The following EXT1 variants were observed in gnomAD, a reference collection of about 807,000 sequenced individuals.
The protein encoded by EXT1 is exostosin glycosyltransferase 1, also known as exostosin-1.
EXT1 carries 20 observed loss-of-function variants against 82.5 expected under a neutral mutation model. The ratio of observed to expected loss-of-function variants is 0.24; its 90% CI spans 0.17 to 0.35. The LOEUF (loss-of-function observed/expected upper bound fraction) is 0.35. Among genes scored for constraint, EXT1 ranks in the 10% least tolerant of loss-of-function variants. The pLI is 1.00. For synonymous variants in EXT1, 348 were observed against 350.8 expected (o/e 0.99, Z 0.09); for missense variants, 757 against 936.5 (o/e 0.81, Z 2.50).
intron 1 of EXT1, among the ~76,000 whole-genome samples, chr8:117,870,606 A>G (rs1460752298): frequency 6.6e-6 from 1 of 151,222 alleles, no homozygotes; most frequent in Admixed American, 6.6e-5. Context: ...CTCATTCATA[A>G]TCAGTCCTTA....
At chr8:117,936,300 T>C (rs1183762923) in intron 1 of EXT1, among the ~76,000 whole-genome samples, 2 of 152,214 alleles carry the variant, frequency 1.3e-5, no homozygotes, top group African/African-American at 2.4e-5. Flanking sequence ...TGTCACAGAC[T>C]CCACTAGTCC....
chr8:118,111,703 C>CGGCGGCGGCGGCGCTGGGT lies in EXT1; in HGVS notation c.-676_-658dup, dbSNP rs937343061. 2.5e-5 allele frequency: 4 copies of CGGCGGCGGCGGCGCTGGGT among 158,140 alleles called. No homozygotes were observed. The highest frequency in any genetic ancestry group is 4.8e-5 in the African/African-American group (2 of 41,310). 9.8% of individuals were successfully genotyped at this position (158,140 alleles called of 1,614,324 possible). On this transcript the variant is annotated 5_prime_UTR_variant, in exon 1 of 11. Transcript: ENST00000378204. The stretch of plus-strand genomic sequence containing the variant: ...CGCGCGGCGGCCCGGCTGGAGGCGG[C>CGGCGGCGGCGGCGCTGGGT]GGCGGCGGCGGCGCTGGGTGGCGGC...
At chr8:117,872,603 T>C (rs906060714) in intron 1 of EXT1, among the ~76,000 whole-genome samples, 4 of 152,240 alleles carry the variant, frequency 2.6e-5, no homozygotes, top group Admixed American at 2.0e-4. Flanking sequence ...ATAATATGTT[T>C]GGATAGCTGC....
chr8:117,850,209 T>C (rs1259554699), intron 1 of EXT1, among the ~76,000 whole-genome samples: 2 of 152,238 alleles, frequency 1.3e-5, no homozygotes, highest in Non-Finnish European at 2.9e-5. Context: ...AAATAAACTG[T>C]CAAGTAAAAC....
chr8:118,026,697 C>A lies in EXT1; in HGVS notation c.962+83388G>T, dbSNP rs529270066. ...CAAGCCACTTGATGGTTTTTTGGTT[C>A]TTTTATCTTTGGGGGGAGGGAACAG... On this transcript the variant is annotated intron_variant, in intron 1 of 10. Coordinates refer to ENST00000378204, the MANE Select transcript of EXT1 (RefSeq NM_000127.3). 5.9e-5 allele frequency among the ~76,000 whole-genome samples: 9 copies of A among 152,044 alleles called. No homozygotes were observed. The South Asian group carries it at 1.9e-3, about 32-fold the overall frequency.
intron 1 of EXT1, among the ~76,000 whole-genome samples, chr8:117,937,948 C>T (rs1001356654): frequency 6.6e-6 from 1 of 152,174 alleles, no homozygotes; most frequent in African/African-American, 2.4e-5. Flanking sequence ...GAATATTCTC[C>T]AAAACAAAAC....
At chr8:118,068,423 T>C (rs2447534) in intron 1 of EXT1, among the ~76,000 whole-genome samples, 50,545 of 151,984 alleles carry the variant, frequency 0.33, 10,257 homozygotes, top group African/African-American at 0.55. Flanking sequence ...TATCAACCCA[T>C]CACCTAGGTA....
At chr8:118,076,073 G>C (rs547014029) in intron 1 of EXT1, among the ~76,000 whole-genome samples, 1 of 152,264 alleles carries the variant, frequency 6.6e-6, no homozygotes, top group Admixed American at 6.5e-5. Flanking sequence ...TAATTCAGGG[G>C]AGAGGGAAGT....
intron 4 of EXT1, among the ~76,000 whole-genome samples, chr8:117,827,921 T>C (rs2129764690): frequency 6.6e-6 from 1 of 151,548 alleles, no homozygotes; most frequent in Admixed American, 6.6e-5. Flanking sequence ...GATGATTTAC[T>C]GCAATGATGT....
chr8:118,020,407 T>C (rs1816079867), intron 1 of EXT1, among the ~76,000 whole-genome samples: 1 of 152,228 alleles, frequency 6.6e-6, no homozygotes, highest in African/African-American at 2.4e-5. Context: ...GATCTTGTCC[T>C]ATTATGTAAA....
intron 1 of EXT1, among the ~76,000 whole-genome samples, chr8:118,058,608 T>A (rs1816832312): frequency 6.6e-6 from 1 of 152,048 alleles, no homozygotes; most frequent in South Asian, 2.1e-4. Context: ...AGAACTAGAA[T>A]TTTTTTTCAA....
chr8:117,986,072 C>T (rs1449550655), intron 1 of EXT1, among the ~76,000 whole-genome samples: 1 of 152,018 alleles, frequency 6.6e-6, no homozygotes, highest in East Asian at 1.9e-4. Flanking sequence ...TAGGCAATTC[C>T]TTTAATAGAG....
rs529807628 is a variant in EXT1 at position 117,877,012 on chromosome 8, C to G, written c.963-39811G>C. On this transcript the variant is annotated intron_variant, in intron 1 of 10. Coordinates refer to ENST00000378204, the MANE Select transcript of EXT1 (RefSeq NM_000127.3). ...AGGAACCCGTTTTTCTAACAGAGAA[C>G]CCCTGGATGTGCCTCAAAGCTAACT... is the stretch of plus-strand genomic sequence containing the variant. 2.6e-5 allele frequency among the ~76,000 whole-genome samples: 4 copies of G among 152,214 alleles called. No homozygotes were observed. The South Asian group carries it at 8.3e-4, about 32-fold the overall frequency.
At chr8:118,028,156 T>C (rs1013618465) in intron 1 of EXT1, among the ~76,000 whole-genome samples, 2 of 152,156 alleles carry the variant, frequency 1.3e-5, no homozygotes, top group Non-Finnish European at 2.9e-5. Flanking sequence ...AATGAAAACC[T>C]ACAACACGGG....
chr8:117,882,410 G>A (rs1015154407), intron 1 of EXT1, among the ~76,000 whole-genome samples: 2 of 152,168 alleles, frequency 1.3e-5, no homozygotes, highest in African/African-American at 4.8e-5. Context: ...ATGGCAAGTG[G>A]CAGGATGGTT....
chr8:117,852,850 G>C (rs1238187931), intron 1 of EXT1, among the ~76,000 whole-genome samples: 1 of 152,108 alleles, frequency 6.6e-6, no homozygotes, highest in Non-Finnish European at 1.5e-5. Flanking sequence ...TTACCATTCA[G>C]AATTATGGAA....
chr8:117,878,079 C>T (rs764968722), intron 1 of EXT1, among the ~76,000 whole-genome samples: 1 of 152,118 alleles, frequency 6.6e-6, no homozygotes, highest in African/African-American at 2.4e-5. Flanking sequence ...TCCAGACCAG[C>T]CTGGCCAACA....
At chr8:118,059,526 T>C (rs1247690346) in intron 1 of EXT1, among the ~76,000 whole-genome samples, 1 of 152,160 alleles carries the variant, frequency 6.6e-6, no homozygotes, top group African/African-American at 2.4e-5. Context: ...CAGCAAGGGC[T>C]CCACCCAGCA....
chr8:118,008,546 C>G (rs1037383579), intron 1 of EXT1, among the ~76,000 whole-genome samples: 1 of 152,096 alleles, frequency 6.6e-6, no homozygotes, highest in Non-Finnish European at 1.5e-5. Flanking sequence ...GCTACCATGC[C>G]CAGCCTGCAT....
Sources: gnomAD v4.1 joint callset for allele counts (sites outside exome capture counted in the v4.1 genomes callset) on GRCh38, gnomAD v4.1.1 for gene constraint, MANE v1.5 for transcripts, NCBI Gene and HGNC (gene_info 2026-07-23, HGNC 2026-07-21) for gene names.